The following WAC variants were observed in gnomAD, a reference collection of about 807,000 sequenced individuals.
WAC encodes the protein WW domain-containing adapter protein with coiled-coil.
In WAC, 11 loss-of-function variants were observed where a neutral mutation model predicts 79.6. That is an observed-to-expected ratio of 0.14 (90% CI 0.09 to 0.23). WAC has a LOEUF of 0.23. Ranked by LOEUF, WAC falls within the 10% of genes least tolerant of loss-of-function variation. The pLI is 1.00. For missense variants in WAC, 728 were observed against 773.5 expected, an observed-to-expected ratio of 0.94 and a Z score of 0.70; for synonymous variants, 304 against 276.9, an observed-to-expected ratio of 1.10 and a Z score of -0.97.
In WAC at chr10:28,600,967, T is replaced by C. The variant is rs560437632; in HGVS notation, c.919+4926T>C. Among the ~76,000 whole-genome samples, 189 of 151,742 alleles carry C rather than the reference T, an allele frequency of 1.2e-3. 2 individuals are homozygous for C. Among genetic ancestry groups the C allele is most frequent in the Admixed American group, 0.01 (158 of 15,240 alleles). On this transcript the variant is annotated intron_variant, in intron 7 of 13. Transcript: ENST00000354911. ...ACCGAGAATGGATCAAAGACCTAAA[T>C]TTAAGAACTAAAACACCGAGGCTCT...
At chr10:28,575,839 ACT>A (rs1170457090) in intron 3 of WAC, among the ~76,000 whole-genome samples, 2 of 151,046 alleles carry the variant, frequency 1.3e-5, no homozygotes, top group East Asian at 1.9e-4. Context: ...CCATTTTAAA[ACT>A]CTCCTGTCGC....
At chr10:28,543,545 G>C (rs1390163788) in intron 3 of WAC, among the ~76,000 whole-genome samples, 1 of 152,244 alleles carries the variant, frequency 6.6e-6, no homozygotes, top group African/African-American at 2.4e-5. Context: ...TGAGGAATGT[G>C]ATCGCCCTGT....
At chr10:28,556,415 T>G (rs907172606) in intron 3 of WAC, among the ~76,000 whole-genome samples, 1 of 144,392 alleles carries the variant, frequency 6.9e-6, no homozygotes, top group Non-Finnish European at 1.5e-5. Flanking sequence ...TTTTTTTTTT[T>G]GCCATTAAGC....
intron 3 of WAC, among the ~76,000 whole-genome samples, chr10:28,579,338 C>T (rs1312329816): frequency 6.6e-6 from 1 of 151,994 alleles, no homozygotes; most frequent in African/African-American, 2.4e-5. Flanking sequence ...GCTGTTTATA[C>T]AGTAAAAAGT....
chr10:28,604,968 C>T (rs1284558777), intron 7 of WAC, among the ~76,000 whole-genome samples: 2 of 152,098 alleles, frequency 1.3e-5, no homozygotes, highest in African/African-American at 4.8e-5. Context: ...TATTATTAAA[C>T]TCAGCTTTTA....
At position 28,608,039 on chromosome 10, in the gene WAC, A is replaced by C. The variant is rs1025508573; in HGVS notation, c.920-147A>C. ...CATTATTCTAGTCATGTGAATGTTTACTGAGCATCTTCTGTGTGCTCCAGT... is the reference window on the plus strand; with the variant it reads ...CATTATTCTAGTCATGTGAATGTTTCCTGAGCATCTTCTGTGTGCTCCAGT... On this transcript the variant is annotated intron_variant, in intron 7 of 13. Coordinates refer to ENST00000354911, the MANE Select transcript of WAC (RefSeq NM_016628.5). 8.6e-6 allele frequency: 7 copies of C among 810,370 alleles called. No homozygotes were observed. In the African/African-American group the frequency reaches 1.0e-4, roughly 12 times the overall value. The allele number at this position is 810,370 out of a possible 1,614,324, so 50.2% of individuals were successfully genotyped here. A position where few individuals can be genotyped will look rare whatever the true frequency, so the allele number is the denominator to read the frequency against.
intron 3 of WAC, among the ~76,000 whole-genome samples, chr10:28,549,427 C>G (rs779736237): frequency 1.3e-5 from 2 of 152,308 alleles, no homozygotes; most frequent in South Asian, 2.1e-4. Flanking sequence ...ACCTAATGTT[C>G]TATAGATAAT....
At position 28,533,444 on chromosome 10, in the gene WAC, A is replaced by C. The variant is rs12767429; in HGVS notation, c.-136A>C. The C allele has an allele frequency of 1, 278,808 of 278,812 alleles. 139,403 individuals carry two copies. The highest frequency in any genetic ancestry group is 1 in the Middle Eastern group (566 of 566). The allele number at this position is 278,812 out of a possible 1,614,324, so 17.3% of individuals were successfully genotyped here. On this transcript the variant is annotated 5_prime_UTR_variant, in exon 1 of 14. It removes an upstream start codon present in the reference 5' UTR. Transcript: ENST00000354911. Reference sequence around the variant, plus strand: ...CGCCGGCGCCAGTAACTGGGAGCTGATGAGAGTCGCCGAGGGCGCGCCGGG... The same window carrying C: ...CGCCGGCGCCAGTAACTGGGAGCTGCTGAGAGTCGCCGAGGGCGCGCCGGG...
intron 8 of WAC, among the ~76,000 whole-genome samples, chr10:28,609,874 A>G (rs1841142165): frequency 6.6e-6 from 1 of 151,904 alleles, no homozygotes; most frequent in Non-Finnish European, 1.5e-5. Context: ...ATAATAGTTA[A>G]TGTCAATAAT....
At chr10:28,606,053 TG>T (rs1020838308) in intron 7 of WAC, among the ~76,000 whole-genome samples, 12 of 63,998 alleles carry the variant, frequency 1.9e-4, no homozygotes, top group East Asian at 1.4e-3. Flanking sequence ...AGCAGTTTTT[TG>T]GTTTTTTTTT....
intron 3 of WAC, among the ~76,000 whole-genome samples, chr10:28,555,611 A>T (rs1253426128): frequency 6.6e-6 from 1 of 152,176 alleles, no homozygotes; most frequent in Non-Finnish European, 1.5e-5. Context: ...TACAGTGGTG[A>T]GGGGGATTTG....
At position 28,614,448 on chromosome 10, in the gene WAC, G is replaced by T. The variant is rs1281433436; in HGVS notation, c.1438-119G>T. ...TTGGGCCATTTTCACAAAGAAATGA[G>T]ATCTAAGTTTCAGAACTTGACTGCC... On this transcript the variant is annotated intron_variant, in intron 10 of 13. Coordinates refer to ENST00000354911, the MANE Select transcript of WAC (RefSeq NM_016628.5). The T allele has an allele frequency of 1.6e-5, 8 of 511,654 alleles. No homozygotes were observed. The Admixed American group carries it at 2.6e-4, about 16-fold the overall frequency. 31.7% of individuals were successfully genotyped at this position (511,654 alleles called of 1,614,324 possible). A position where few individuals can be genotyped will look rare whatever the true frequency, so the allele number is the denominator to read the frequency against.
intron 9 of WAC, 121 bp from the exon 10 acceptor site, chr10:28,611,653 T>C (rs902572984): frequency 6.7e-5 from 87 of 1,305,596 alleles, no homozygotes; most frequent in Non-Finnish European, 8.1e-5. Context: ...GTTCTCTGGG[T>C]AATATGGGGG....
chr10:28,541,415 GTTTTGTTTT>G (rs1396027359), intron 3 of WAC, among the ~76,000 whole-genome samples: 1 of 37,904 alleles, frequency 2.6e-5, no homozygotes, highest in Non-Finnish European at 4.2e-5. Context: ...GTGTGTGTGT[GTTTTGTTTT>G]TTTTTTTTTT....
chr10:28,610,546 C>T lies in WAC; in HGVS notation c.1166-153C>T, dbSNP rs979967274. 3.3e-5 allele frequency among the ~76,000 whole-genome samples: 5 copies of T among 150,208 alleles called. 1 individual carries two copies. The Admixed American group carries it at 3.3e-4, about 10-fold the overall frequency. On this transcript the variant is annotated intron_variant, in intron 8 of 13. Transcript: ENST00000354911. ...CCTCAGATCATTTCAAATTTGGGACCCATTGTATTACTCCTATCTAGTAGG... is the reference window on the plus strand; with the variant it reads ...CCTCAGATCATTTCAAATTTGGGACTCATTGTATTACTCCTATCTAGTAGG...
At chr10:28,534,803 A>T (rs886988227) in intron 2 of WAC, among the ~76,000 whole-genome samples, 1 of 152,234 alleles carries the variant, frequency 6.6e-6, no homozygotes, top group African/African-American at 2.4e-5. Flanking sequence ...ATACAGCTGA[A>T]TTTGAAAACA....
intron 10 of WAC, 127 bp downstream of exon 10, chr10:28,612,049 A>G: frequency 1.8e-6 from 2 of 1,122,664 alleles, no homozygotes; most frequent in South Asian, 3.2e-5. Flanking sequence ...AATGACAGGT[A>G]TGATAGTAGA....
rs764934182 is a variant in WAC, at chr10:28,556,388, ATTTT to A, written c.274+20655_274+20658del. On this transcript the variant is annotated intron_variant, in intron 3 of 13. Coordinates refer to ENST00000354911, the MANE Select transcript of WAC (RefSeq NM_016628.5). ...TAGATTCAATTTCGTTGCCCATTAA[ATTTT>A]TTTTTTTTTTTTTTTTTTTTTTTGC... Among the ~76,000 whole-genome samples, 337 of 55,074 alleles carry A rather than the reference ATTTT, an allele frequency of 6.1e-3. 1 individual carries two copies. The highest frequency in any genetic ancestry group is 0.018 in the African/African-American group (291 of 16,400). The allele number at this position is 55,074 out of a possible 152,430, so 36.1% of individuals were successfully genotyped here.
rs397825964 is a variant in WAC at position 28,587,934 on chromosome 10, T to TC, written c.382-1800dup. ...GTTTAGTTCAGCTGACTTTTTTTTT[T>TC]CCTTAAAGCACAACTTCTGTGAAAG... On this transcript the variant is annotated intron_variant, in intron 4 of 13. Coordinates refer to ENST00000354911, the MANE Select transcript of WAC (RefSeq NM_016628.5). Among the ~76,000 whole-genome samples the TC allele has an allele frequency of 5.3e-5, 8 of 151,780 alleles. No individual in the cohort carries two copies. In the South Asian group the frequency reaches 1.7e-3, roughly 32 times the overall value.
Sources: gnomAD v4.1 joint callset for allele counts (sites outside exome capture counted in the v4.1 genomes callset) on GRCh38, gnomAD v4.1.1 for gene constraint, MANE v1.5 for transcripts, NCBI Gene and HGNC (gene_info 2026-07-23, HGNC 2026-07-21) for gene names.